Variants in GABRB3 observed in about 807,000 individuals in gnomAD.
The protein encoded by GABRB3 is gamma-aminobutyric acid type A receptor subunit beta3.
GABRB3 carries 14 observed loss-of-function variants against 52.1 expected under a neutral mutation model. The observed-to-expected ratio is 0.27, with a 90% CI of 0.18 to 0.42. The LOEUF (loss-of-function observed/expected upper bound fraction) is 0.42, where lower values mean the gene tolerates loss of function less well. GABRB3 is among the 10% of genes least tolerant of loss of function. The pLI is 1.00. For synonymous variants in GABRB3, 260 were observed against 232.3 expected (o/e 1.12, Z -1.08); for missense variants, 307 against 609.1 (o/e 0.50, Z 5.22).
chr15:26,626,631 A>G (rs903955644), intron 3 of GABRB3, among the ~76,000 whole-genome samples: 4 of 152,250 alleles, frequency 2.6e-5, no homozygotes, highest in Non-Finnish European at 4.4e-5. Flanking sequence ...ATATCAAACC[A>G]GCCATAACGT....
intron 3 of GABRB3, among the ~76,000 whole-genome samples, chr15:26,626,014 C>G (rs957411116): frequency 1.3e-5 from 2 of 152,184 alleles, no homozygotes; most frequent in East Asian, 3.8e-4. Flanking sequence ...TTTGTGGCAA[C>G]CCAGCGTTGA....
intron 3 of GABRB3, among the ~76,000 whole-genome samples, chr15:26,725,017 C>A (rs1595553139): frequency 6.6e-6 from 1 of 152,158 alleles, no homozygotes; most frequent in Non-Finnish European, 1.5e-5. Flanking sequence ...TGAATGTTGG[C>A]CATGACTTGT....
chr15:26,622,997 C>G (rs936002745), intron 3 of GABRB3, among the ~76,000 whole-genome samples: 29 of 152,188 alleles, frequency 1.9e-4, no homozygotes, highest in African/African-American at 6.3e-4. Flanking sequence ...AAGAAGCAGG[C>G]ATTTTTTTTC....
chr15:26,566,816 G>A (rs1446597923), intron 7 of GABRB3, among the ~76,000 whole-genome samples: 1 of 152,102 alleles, frequency 6.6e-6, no homozygotes, highest in East Asian at 1.9e-4. Context: ...ATAATGTGTT[G>A]ATAATTCTTT....
At chr15:26,627,569 C>A (rs1214742829) in intron 3 of GABRB3, among the ~76,000 whole-genome samples, 1 of 151,574 alleles carries the variant, frequency 6.6e-6, no homozygotes, top group African/African-American at 2.4e-5. Flanking sequence ...TGGATTCCAG[C>A]CCTCATGGAT....
intron 3 of GABRB3, among the ~76,000 whole-genome samples, chr15:26,738,028 C>T (rs1306113066): frequency 1.3e-5 from 2 of 152,176 alleles, no homozygotes; most frequent in African/African-American, 2.4e-5. Context: ...CAAAATTTAT[C>T]GACTTTTTGA....
intron 4 of GABRB3, among the ~76,000 whole-genome samples, chr15:26,589,061 T>C (rs1891098906): frequency 6.6e-6 from 1 of 152,228 alleles, no homozygotes. Flanking sequence ...CCTGCACGCC[T>C]GAGTCAAGGA....
chr15:26,757,134 GA>G (rs1429296325), intron 3 of GABRB3, among the ~76,000 whole-genome samples: 1 of 152,112 alleles, frequency 6.6e-6, no homozygotes, highest in African/African-American at 2.4e-5. Context: ...AGTATTTAAA[GA>G]AAGAAAATTC....
intron 8 of GABRB3, among the ~76,000 whole-genome samples, chr15:26,554,127 G>GTATATATATATAAAGTATA (rs1889619235): frequency 4.4e-4 from 10 of 22,580 alleles, no homozygotes; most frequent in South Asian, 1.1e-3. Context: ...AAGTGTGTGT[G>GTATATATATATAAAGTATA]TATATATATA....
intron 8 of GABRB3, among the ~76,000 whole-genome samples, chr15:26,558,222 G>C (rs541509676): frequency 3.7e-4 from 57 of 152,284 alleles, no homozygotes; most frequent in African/African-American, 1.2e-3. Flanking sequence ...AGAAATTCAA[G>C]ATAGTTTTGC....
intron 3 of GABRB3, among the ~76,000 whole-genome samples, chr15:26,724,791 G>A (rs985946725): frequency 6.6e-6 from 1 of 152,086 alleles, no homozygotes; most frequent in Non-Finnish European, 1.5e-5. Context: ...TATTAAATAT[G>A]CATATTTAGC....
chr15:26,557,875 C>G (rs79027088), intron 8 of GABRB3: 1 of 152,192 alleles, frequency 6.6e-6, no homozygotes, highest in East Asian at 1.9e-4. Context: ...TGCTAATTTT[C>G]TCTATGGATG....
At chr15:26,665,914 T>C (rs929392436) in intron 3 of GABRB3, among the ~76,000 whole-genome samples, 3 of 152,202 alleles carry the variant, frequency 2.0e-5, no homozygotes, top group East Asian at 1.9e-4. Flanking sequence ...AAGTGTGCAT[T>C]TGTGTTGAAA....
intron 3 of GABRB3, among the ~76,000 whole-genome samples, chr15:26,654,790 T>G (rs1887314738): frequency 6.6e-6 from 1 of 152,052 alleles, no homozygotes; most frequent in Non-Finnish European, 1.5e-5. Context: ...TCAATTTCAT[T>G]TATCTTTGTA....
intron 6 of GABRB3, among the ~76,000 whole-genome samples, chr15:26,569,693 T>C (rs1360451830): frequency 6.6e-6 from 1 of 152,262 alleles, no homozygotes; most frequent in Non-Finnish European, 1.5e-5. Context: ...TTGATAAATA[T>C]TGTCAAATTA....
intron 3 of GABRB3, among the ~76,000 whole-genome samples, chr15:26,666,841 C>T (rs1474953379): frequency 6.6e-6 from 1 of 152,148 alleles, no homozygotes; most frequent in Admixed American, 6.5e-5. Flanking sequence ...AACATGAAGC[C>T]AGTCGCTTCA....
chr15:26,630,979 T>G (rs908519086), intron 3 of GABRB3, among the ~76,000 whole-genome samples: 5 of 152,162 alleles, frequency 3.3e-5, no homozygotes, highest in Admixed American at 2.0e-4. Context: ...AACAATTTCA[T>G]GTGAAGGTAA....
intron 3 of GABRB3, among the ~76,000 whole-genome samples, chr15:26,649,760 A>T (rs571590565): frequency 6.6e-6 from 1 of 151,984 alleles, no homozygotes; most frequent in South Asian, 2.1e-4. Context: ...GGATGGATGC[A>T]TAGATAGATG....
intron 3 of GABRB3, among the ~76,000 whole-genome samples, chr15:26,756,360 G>A (rs1411502831): frequency 6.6e-6 from 1 of 151,018 alleles, no homozygotes; most frequent in Non-Finnish European, 1.5e-5. Flanking sequence ...ACGAGCCCAG[G>A]AGTTTGAGAC....
Sources: allele counts gnomAD v4.1 joint callset (sites outside exome capture counted in the v4.1 genomes callset), GRCh38; gene constraint gnomAD v4.1.1; transcripts MANE v1.5; gene names NCBI Gene and HGNC (gene_info 2026-07-23, HGNC 2026-07-21).